Variants in ARHGAP26 observed in about 807,000 individuals in gnomAD.
ARHGAP26 encodes the protein Rho GTPase activating protein 26, also known as rho GTPase-activating protein 26.
ARHGAP26 carries 38 observed loss-of-function variants against 104.8 expected under a neutral mutation model. The ratio of observed to expected loss-of-function variants is 0.36; its 90% CI spans 0.28 to 0.48. The LOEUF is 0.48. ARHGAP26 is among the 20% of genes least tolerant of loss of function. The probability of loss-of-function intolerance (pLI) is 0.99; values close to 1 mark genes in which losing one functional copy is unlikely to be tolerated. For missense variants in ARHGAP26, 704 were observed against 947.9 expected (o/e 0.74, Z 3.38); for synonymous variants, 341 against 340.0 (o/e 1.00, Z -0.03).
intron 20 of ARHGAP26, among the ~76,000 whole-genome samples, chr5:143,176,643 A>G (rs893671650): frequency 2.0e-5 from 3 of 152,174 alleles, no homozygotes; most frequent in Non-Finnish European, 4.4e-5. Flanking sequence ...TTAAATTTTG[A>G]TGTTAAAAAG....
intron 1 of ARHGAP26, among the ~76,000 whole-genome samples, chr5:142,849,114 A>T (rs1418059561): frequency 6.6e-6 from 1 of 152,230 alleles, no homozygotes; most frequent in African/African-American, 2.4e-5. Context: ...TCTCTGAGCC[A>T]CAAACAACAC....
chr5:143,140,570 A>T (rs543908204), intron 19 of ARHGAP26, among the ~76,000 whole-genome samples: 1 of 152,346 alleles, frequency 6.6e-6, no homozygotes, highest in East Asian at 1.9e-4. Flanking sequence ...ATCACGCTGT[A>T]GTTGTATCTT....
At chr5:143,012,576 T>TATATATATATGTATATA (rs1554195628) in intron 11 of ARHGAP26, among the ~76,000 whole-genome samples, 4 of 57,032 alleles carry the variant, frequency 7.0e-5, no homozygotes, top group Admixed American at 2.1e-4. Context: ...TATATATATA[T>TATATATATATGTATATA]TATGATCAGG....
At chr5:142,887,216 C>T (rs1757835865) in intron 5 of ARHGAP26, among the ~76,000 whole-genome samples, 1 of 152,154 alleles carries the variant, frequency 6.6e-6, no homozygotes, top group Non-Finnish European at 1.5e-5. Flanking sequence ...TCTTTTAGGG[C>T]TGTGAATGTC....
chr5:143,069,056 G>T (rs1787900006), intron 17 of ARHGAP26, among the ~76,000 whole-genome samples: 2 of 151,970 alleles, frequency 1.3e-5, no homozygotes, highest in Non-Finnish European at 2.9e-5. Flanking sequence ...TATGCCCCAG[G>T]ACTCTGTCCT....
At chr5:143,179,706 A>G (rs1387722184) in intron 20 of ARHGAP26, among the ~76,000 whole-genome samples, 2 of 152,186 alleles carry the variant, frequency 1.3e-5, no homozygotes, top group Non-Finnish European at 2.9e-5. Flanking sequence ...TTTATTTCCC[A>G]TTTAAAAAAT....
chr5:142,805,886 G>A (rs913598062), intron 1 of ARHGAP26, among the ~76,000 whole-genome samples: 2 of 152,122 alleles, frequency 1.3e-5, no homozygotes, highest in Non-Finnish European at 2.9e-5. Context: ...ACCTTCCAGT[G>A]GCAATAGTCC....
chr5:142,974,474 A>G (rs1444007676), intron 11 of ARHGAP26, among the ~76,000 whole-genome samples: 4 of 152,252 alleles, frequency 2.6e-5, no homozygotes, highest in African/African-American at 4.8e-5. Flanking sequence ...TCATGGGAAT[A>G]GATGAATTCA....
chr5:142,937,744 C>T (rs529436203), intron 11 of ARHGAP26, among the ~76,000 whole-genome samples: 6 of 152,064 alleles, frequency 3.9e-5, no homozygotes, highest in African/African-American at 9.6e-5. Context: ...ACACAACAAC[C>T]GGGTGCATCT....
chr5:143,026,827 T>G, intron 12 of ARHGAP26, among the ~76,000 whole-genome samples: 1 of 151,392 alleles, frequency 6.6e-6, no homozygotes, highest in Non-Finnish European at 1.5e-5. Context: ...GGGGGCAAAA[T>G]TGAAGCAGCT....
chr5:143,003,047 C>G (rs1256315780), intron 11 of ARHGAP26, among the ~76,000 whole-genome samples: 1 of 152,192 alleles, frequency 6.6e-6, no homozygotes, highest in Non-Finnish European at 1.5e-5. Context: ...TGAATTATAA[C>G]TATGGCAACA....
chr5:143,054,328 G>GT, intron 14 of ARHGAP26, 111 bp from the exon 15 acceptor site: 3 of 619,562 alleles, frequency 4.8e-6, no homozygotes, highest in Non-Finnish European at 8.0e-6. Flanking sequence ...TGTCATTTTT[G>GT]TTTTACTTTG....
chr5:143,063,602 C>T (rs917018785), intron 17 of ARHGAP26, among the ~76,000 whole-genome samples: 7 of 152,210 alleles, frequency 4.6e-5, no homozygotes, highest in Admixed American at 4.6e-4. Flanking sequence ...AATAGACGCT[C>T]ATGAATATTT....
intron 20 of ARHGAP26, chr5:143,203,250 AGTG>A (rs1808048178): frequency 6.6e-6 from 1 of 152,230 alleles, no homozygotes; most frequent in East Asian, 1.9e-4. Flanking sequence ...CCCATCAAAA[AGTG>A]GGTGAAGGAT....
At chr5:143,033,550 A>G (rs1455941239) in intron 12 of ARHGAP26, among the ~76,000 whole-genome samples, 2 of 152,338 alleles carry the variant, frequency 1.3e-5, no homozygotes, top group South Asian at 2.1e-4. Flanking sequence ...ATGGCTTTAC[A>G]TGCATGTATC....
At chr5:143,068,794 C>G (rs1026923423) in intron 17 of ARHGAP26, among the ~76,000 whole-genome samples, 9 of 152,218 alleles carry the variant, frequency 5.9e-5, no homozygotes, top group African/African-American at 2.2e-4. Flanking sequence ...ATCCTCTCTT[C>G]CCACTCATTC....
rs2150344339 is a variant in ARHGAP26 at position 143,065,135 on chromosome 5, T to C, written c.1538+7388T>C. 1.3e-5 allele frequency among the ~76,000 whole-genome samples: 2 copies of C among 152,186 alleles called. 1 individual carries two copies. The highest frequency in any genetic ancestry group is 3.8e-4 in the East Asian group (2 of 5,198). On this transcript the variant is annotated intron_variant, in intron 17 of 22. Transcript: ENST00000645722. Reference sequence around the variant, plus strand: ...GCCGCCTTTAATTTTGGGAGTATTATAAAAGTGAGAGAGTATCAGCAAACA... The same window carrying C: ...GCCGCCTTTAATTTTGGGAGTATTACAAAAGTGAGAGAGTATCAGCAAACA...
At chr5:142,991,257 T>G (rs929768011) in intron 11 of ARHGAP26, among the ~76,000 whole-genome samples, 1 of 152,234 alleles carries the variant, frequency 6.6e-6, no homozygotes, top group Non-Finnish European at 1.5e-5. Flanking sequence ...TGGGACCCTC[T>G]GAGCCATGTG....
At chr5:143,124,582 C>T (rs1211315420) in intron 18 of ARHGAP26, among the ~76,000 whole-genome samples, 1 of 152,212 alleles carries the variant, frequency 6.6e-6, no homozygotes, top group African/African-American at 2.4e-5. Context: ...CACAAGACCC[C>T]CCTCTTTCCA....
Sources: gnomAD v4.1 joint callset for allele counts (sites outside exome capture counted in the v4.1 genomes callset) on GRCh38, gnomAD v4.1.1 for gene constraint, MANE v1.5 for transcripts, NCBI Gene and HGNC (gene_info 2026-07-23, HGNC 2026-07-21) for gene names.